NASP: variants seen among roughly 807,000 people sequenced by gnomAD.
The protein encoded by NASP is nuclear autoantigenic sperm protein, also known as NASP histone chaperone.
NASP carries 24 observed loss-of-function variants against 89.5 expected under a neutral mutation model. That is an observed-to-expected ratio of 0.27 (90% CI 0.19 to 0.38). NASP has a LOEUF of 0.38. Ranked by LOEUF, NASP falls within the 10% of genes least tolerant of loss-of-function variation. The probability of loss-of-function intolerance (pLI) is 1.00; values close to 1 mark genes in which losing one functional copy is unlikely to be tolerated. For synonymous variants in NASP, 306 were observed against 324.7 expected, an observed-to-expected ratio of 0.94 and a Z score of 0.62; for missense variants, 848 against 921.4, an observed-to-expected ratio of 0.92 and a Z score of 1.03.
chr1:45,587,435 C>T (rs1045088473), intron 1 of NASP, among the ~76,000 whole-genome samples: 5 of 151,696 alleles, frequency 3.3e-5, no homozygotes, highest in Non-Finnish European at 2.9e-5. Flanking sequence ...CGTGAGCCAC[C>T]GTGCCCGGCT....
chr1:45,597,713 G>T (rs114369630), intron 2 of NASP, among the ~76,000 whole-genome samples: 1 of 152,098 alleles, frequency 6.6e-6, no homozygotes, highest in Admixed American at 6.5e-5. Flanking sequence ...CTTCAGTAAC[G>T]TAACAGTGTA....
chr1:45,607,725 G>T lies in NASP; in HGVS notation c.814G>T (p.Glu272Ter). 6.2e-7 allele frequency: 1 copy of T among 1,614,148 alleles called. No homozygotes were observed. The change falls in exon 6 of 15, where the codon GAG becomes TAG. Residue 272 changes from glutamate (E) to a stop codon, truncating the protein, a stop_gained. Transcript: ENST00000350030. LOFTEE classifies it high-confidence loss of function. ...KQGEVIVSIE[E>*]KPKEVSEEQP... ...GGGAGAGGTAATTGTGAGCATAGAG[G>T]AGAAGCCAAAAGAAGTTTCAGAAGA... is the stretch of plus-strand genomic sequence containing the variant.
chr1:45,607,424 T>TA lies in NASP; in HGVS notation c.516dup (p.Glu173ArgfsTer5), dbSNP rs1462406797. On this transcript the variant is annotated frameshift_variant, in exon 6 of 15. Coordinates refer to ENST00000350030, the MANE Select transcript of NASP (RefSeq NM_002482.4). LOFTEE classifies it high-confidence loss of function. ...AGTCTTTGGCAAAGCCTGAAACTGA[T>TA]AAAGAACAGGACAGTGAAATGGAGA... The TA allele has an allele frequency of 6.2e-7, 1 of 1,613,592 alleles. No individual in the cohort carries two copies. Among genetic ancestry groups the TA allele is most frequent in the Non-Finnish European group, 8.5e-7 (1 of 1,179,916 alleles).
rs758858111 is a variant in NASP at position 45,614,285 on chromosome 1, T to C, written c.1593-8T>C. On this transcript the variant is annotated splice_region_variant and splice_polypyrimidine_tract_variant and intron_variant, in intron 8 of 14. Coordinates refer to ENST00000350030, the MANE Select transcript of NASP (RefSeq NM_002482.4). ...GTTAAGGTTTTTGATCAATTTTCCT[T>C]CTTTTAGGCAAGAAACAAAAGAAGC... is the stretch of plus-strand genomic sequence containing the variant. 67 of 1,613,460 alleles carry C rather than the reference T, an allele frequency of 4.2e-5. No homozygotes were observed. The East Asian group carries it at 1.2e-3, about 30-fold the overall frequency.
rs1282173467 is a variant in NASP, at chr1:45,590,432, TGGC to T, written c.60-790_60-788del. 4.3e-4 allele frequency among the ~76,000 whole-genome samples: 65 copies of T among 150,732 alleles called. 1 individual carries two copies. The Middle Eastern group carries it at 0.031, about 73-fold the overall frequency. ...GGTGGCCGGTGCACAGGCACCGGCC[TGGC>T]ACCAGGCCCAGGCTGAGGCAGGAGA... On this transcript the variant is annotated intron_variant, in intron 1 of 14. Transcript: ENST00000350030.
rs1307893313 is a variant in NASP, at chr1:45,618,368, C to T, written c.*227C>T. The T allele has an allele frequency of 2.4e-6, 1 of 415,662 alleles. No individual in the cohort carries two copies. The highest frequency in any genetic ancestry group is 2.0e-5 in the African/African-American group (1 of 49,498). The allele number at this position is 415,662 out of a possible 1,614,324, so 25.7% of individuals were successfully genotyped here. A position where few individuals can be genotyped will look rare whatever the true frequency, so the allele number is the denominator to read the frequency against. ...TTCTGTACTGATCTGTGTTCCTGAT[C>T]CTAATTCCTATCTGTCTAACGTGGA... On this transcript the variant is annotated 3_prime_UTR_variant, in exon 15 of 15. Transcript: ENST00000350030.
chr1:45,614,259 T>C lies in NASP; in HGVS notation c.1593-34T>C, dbSNP rs556854704. ...AAACCAGTTAGGGTTAGACAGGTAC[T>C]GTTAAGGTTTTTGATCAATTTTCCT... On this transcript the variant is annotated intron_variant, in intron 8 of 14. Transcript: ENST00000350030. 20 of 1,604,018 alleles carry C rather than the reference T, an allele frequency of 1.2e-5. No homozygotes were observed. In the South Asian group the frequency reaches 1.3e-4, roughly 11 times the overall value.
chr1:45,614,027 G>A (rs1334026800), intron 7 of NASP, 69 bp from the exon 8 acceptor site: 5 of 1,274,154 alleles, frequency 3.9e-6, no homozygotes, highest in East Asian at 2.3e-5. Context: ...TTTAAGCTAC[G>A]CTAAGTTATA....
intron 14 of NASP, 27 bp from the exon 15 acceptor site, chr1:45,618,034 C>G (rs41310432): frequency 0.21 from 331,793 of 1,576,882 alleles, 37,630 homozygotes; most frequent in Non-Finnish European, 0.23. Context: ...TAGGCTCACT[C>G]ATGCCCAGGT....
intron 1 of NASP, among the ~76,000 whole-genome samples, chr1:45,590,340 G>A (rs1208312745): frequency 1.4e-5 from 2 of 141,730 alleles, no homozygotes; most frequent in African/African-American, 2.6e-5. Flanking sequence ...GTCAGGAGAC[G>A]AGACCATCCT....
chr1:45,588,997 T>C (rs886251277), intron 1 of NASP: 1 of 164,436 alleles, frequency 6.1e-6, no homozygotes, highest in Non-Finnish European at 1.3e-5. Flanking sequence ...GTGTTTATAT[T>C]AAATCCATTA....
At chr1:45,617,974 A>G in intron 14 of NASP, 87 bp from the exon 15 acceptor site, 1 of 1,200,564 alleles carries the variant, frequency 8.3e-7, no homozygotes, top group South Asian at 1.3e-5. Context: ...TGACTTGTAT[A>G]TGCTTCCTAT....
At chr1:45,588,553 T>G (rs1644590532) in intron 1 of NASP, 1 of 414,438 alleles carries the variant, frequency 2.4e-6, no homozygotes, top group Admixed American at 2.9e-5. Context: ...GAATTTCTGT[T>G]AGCAATGTAT....
intron 2 of NASP, among the ~76,000 whole-genome samples, chr1:45,594,311 G>A (rs1314028291): frequency 6.6e-6 from 1 of 150,850 alleles, no homozygotes; most frequent in Admixed American, 6.6e-5. Flanking sequence ...CCTGGGTGAC[G>A]AGCGAAACTC....
chr1:45,598,817 C>T (rs1643761654), intron 2 of NASP, among the ~76,000 whole-genome samples: 1 of 152,140 alleles, frequency 6.6e-6, no homozygotes, highest in African/African-American at 2.4e-5. Flanking sequence ...GAATCGCTGC[C>T]ATTAATATTC....
intron 2 of NASP, among the ~76,000 whole-genome samples, chr1:45,598,171 A>ATTTTT (rs1643745367): frequency 1.0e-5 from 1 of 97,826 alleles, no homozygotes; most frequent in Non-Finnish European, 2.0e-5. Context: ...TACTCCTGTT[A>ATTTTT]CTTTTTTTTT....
intron 6 of NASP, chr1:45,612,690 CTG>C (rs1017619918): frequency 6.5e-6 from 1 of 152,744 alleles, no homozygotes; most frequent in African/African-American, 2.4e-5. Context: ...CTCCACATCT[CTG>C]TTGTGGGAAA....
At chr1:45,616,452 T>G (rs186656491) in intron 12 of NASP, 59 bp downstream of exon 12, 49 of 1,574,838 alleles carry the variant, frequency 3.1e-5, no homozygotes, top group Non-Finnish European at 3.9e-5. Flanking sequence ...GGCTCATGCC[T>G]GTAATCCCAG....
In NASP at chr1:45,604,271, C is replaced by G. The variant is rs1186109167; in HGVS notation, c.219-665C>G. ...TAGAGAAGTACTTTCTCCTTTTGTT[C>G]ATTATACTTACGTAATTTTTGTCCT... On this transcript the variant is annotated intron_variant, in intron 3 of 14. Coordinates refer to ENST00000350030, the MANE Select transcript of NASP (RefSeq NM_002482.4). Among the ~76,000 whole-genome samples, 3 of 152,194 alleles carry G rather than the reference C, an allele frequency of 2.0e-5. No homozygotes were observed. The East Asian group carries it at 5.8e-4, about 29-fold the overall frequency.
Sources: allele counts gnomAD v4.1 joint callset (sites outside exome capture counted in the v4.1 genomes callset), GRCh38; gene constraint gnomAD v4.1.1; transcripts MANE v1.5; gene names NCBI Gene and HGNC (gene_info 2026-07-23, HGNC 2026-07-21).